PKNOX1: variants seen among roughly 807,000 people sequenced by gnomAD.
PKNOX1 encodes the protein PBX/knotted 1 homeobox 1, also known as homeobox protein PKNOX1.
A neutral mutation model predicts 51.9 loss-of-function variants in PKNOX1; 15 were observed. The ratio of observed to expected loss-of-function variants is 0.29; its 90% CI spans 0.19 to 0.45. The LOEUF (loss-of-function observed/expected upper bound fraction) is 0.45, where lower values mean the gene tolerates loss of function less well. PKNOX1 is among the 20% of genes least tolerant of loss of function. The pLI is 1.00. For missense variants in PKNOX1, 462 were observed against 547.5 expected (o/e 0.84, Z 1.56); for synonymous variants, 219 against 211.1 (o/e 1.04, Z -0.32).
intron 5 of PKNOX1, among the ~76,000 whole-genome samples, chr21:43,013,715 G>T (rs1241108450): frequency 6.6e-6 from 1 of 151,894 alleles, no homozygotes; most frequent in Non-Finnish European, 1.5e-5. Context: ...CCCTCCCCTA[G>T]CCCCTGGAAC....
intron 8 of PKNOX1, 26 bp from the exon 9 acceptor site, chr21:43,024,845 T>C (rs748355411): frequency 2.0e-5 from 29 of 1,481,912 alleles, no homozygotes; most frequent in East Asian, 9.0e-5. Flanking sequence ...TCGAAGGCCA[T>C]GGTAACCTTC....
At chr21:42,990,724 G>T (rs1480084550) in intron 1 of PKNOX1, among the ~76,000 whole-genome samples, 1 of 152,212 alleles carries the variant, frequency 6.6e-6, no homozygotes, top group Non-Finnish European at 1.5e-5. Flanking sequence ...ATAAGGAAAT[G>T]ACCCAAGGAA....
At chr21:42,996,105 C>T (rs989317191) in intron 1 of PKNOX1, among the ~76,000 whole-genome samples, 5 of 151,974 alleles carry the variant, frequency 3.3e-5, no homozygotes, top group East Asian at 1.9e-4. Context: ...GTCCTAGCTC[C>T]GTGGGAGGCT....
At chr21:42,978,664 A>G (rs150915577) in intron 1 of PKNOX1, among the ~76,000 whole-genome samples, 40 of 151,796 alleles carry the variant, frequency 2.6e-4, no homozygotes, top group Admixed American at 1.1e-3. Context: ...TTGTATTTTT[A>G]GTAGAGACAG....
chr21:42,983,711 C>T (rs1045759661), intron 1 of PKNOX1, among the ~76,000 whole-genome samples: 3 of 152,118 alleles, frequency 2.0e-5, no homozygotes, highest in African/African-American at 7.2e-5. Flanking sequence ...AACCTCCATC[C>T]GATTTTTCGC....
intron 1 of PKNOX1, among the ~76,000 whole-genome samples, chr21:42,996,412 C>T (rs1978507460): frequency 6.6e-6 from 1 of 150,708 alleles, no homozygotes; most frequent in Non-Finnish European, 1.5e-5. Context: ...AGCATCACTC[C>T]TCTGGACCAT....
At position 42,987,402 on chromosome 21, in the gene PKNOX1, AAAATATATATATAT is replaced by A. The variant is rs1292662746; in HGVS notation, c.-57+12740_-57+12753del. ...CCTCTCAAAAAAAAAAAAAAAAAAA[AAAATATATATATAT>A]ATATATATATATGTATACTCAGATT... On this transcript the variant is annotated intron_variant, in intron 1 of 10. Coordinates refer to ENST00000291547, the MANE Select transcript of PKNOX1 (RefSeq NM_004571.5). 2.1e-4 allele frequency among the ~76,000 whole-genome samples: 13 copies of A among 62,590 alleles called. No individual in the cohort carries two copies. In the East Asian group the frequency reaches 2.9e-3, roughly 14 times the overall value. The allele number at this position is 62,590 out of a possible 152,430, so 41.1% of individuals were successfully genotyped here.
At position 43,021,473 on chromosome 21, in the gene PKNOX1, G is replaced by GAC; in HGVS notation, c.849+43_849+44dup. 6.4e-7 allele frequency: 1 copy of GAC among 1,553,082 alleles called. No individual in the cohort carries two copies. Among genetic ancestry groups the GAC allele is most frequent in the Non-Finnish European group, 8.7e-7 (1 of 1,146,866 alleles). Reference sequence around the variant, plus strand: ...CAGCCCTTGCCTTGCAGCCCTCTGCGACGCTTGCTCTCTGGCTTATGTGTC... The same window carrying GAC: ...CAGCCCTTGCCTTGCAGCCCTCTGCGACACGCTTGCTCTCTGGCTTATGTGTC... On this transcript the variant is annotated intron_variant, in intron 8 of 10. Coordinates refer to ENST00000291547, the MANE Select transcript of PKNOX1 (RefSeq NM_004571.5). The surrounding 1 kb of genome is among the most constrained non-coding windows in gnomAD (Gnocchi z 4.6).
chr21:42,992,931 G>A (rs1025072843), intron 1 of PKNOX1, among the ~76,000 whole-genome samples: 2 of 146,264 alleles, frequency 1.4e-5, no homozygotes, highest in Admixed American at 7.0e-5. Flanking sequence ...TCAGCACTGG[G>A]GGTCTCCTTT....
At chr21:43,028,901 A>G (rs1360917138) in intron 10 of PKNOX1, 27 bp downstream of exon 10, 22 of 1,607,946 alleles carry the variant, frequency 1.4e-5, no homozygotes, top group South Asian at 2.2e-5. Flanking sequence ...AAGGCCAGAC[A>G]TGGTGGACCA....
At position 43,018,234 on chromosome 21, in the gene PKNOX1, C is replaced by T. The variant is rs543366703; in HGVS notation, c.720+4C>T. The T allele has an allele frequency of 2.7e-5, 44 of 1,604,680 alleles. No homozygotes were observed. Among genetic ancestry groups the T allele is most frequent in the East Asian group, 2.0e-4 (9 of 44,830 alleles). On this transcript the variant is annotated splice_donor_region_variant and intron_variant, in intron 7 of 10. Transcript: ENST00000291547. ...AATTAGGATCCAGAACTCCCAGGTG[C>T]GTGCGCCATTTTATGGAAGGCTTTG... is the stretch of plus-strand genomic sequence containing the variant.
chr21:43,019,667 C>T (rs1979667846), intron 7 of PKNOX1, among the ~76,000 whole-genome samples: 2 of 151,622 alleles, frequency 1.3e-5, no homozygotes, highest in African/African-American at 4.8e-5. Flanking sequence ...CTCAGCCTCC[C>T]GAGTAGCTGG....
intron 3 of PKNOX1, among the ~76,000 whole-genome samples, chr21:43,008,893 G>A (rs1235005761): frequency 6.6e-6 from 1 of 152,142 alleles, no homozygotes; most frequent in African/African-American, 2.4e-5. Context: ...ACAAAAACGT[G>A]TACATGAATT....
At chr21:42,985,630 C>T (rs1028088400) in intron 1 of PKNOX1, among the ~76,000 whole-genome samples, 4 of 152,188 alleles carry the variant, frequency 2.6e-5, no homozygotes, top group South Asian at 2.1e-4. Flanking sequence ...CCACCACGTC[C>T]GGCCAGGGTC....
chr21:43,016,143 A>G lies in PKNOX1; in HGVS notation c.523-765A>G, dbSNP rs550886471. Among the ~76,000 whole-genome samples the G allele has an allele frequency of 2.6e-5, 4 of 152,296 alleles. No homozygotes were observed. The East Asian group carries it at 7.7e-4, about 29-fold the overall frequency. The stretch of plus-strand genomic sequence containing the variant: ...CCTTGGGGTGGCGTCCCCTTATGCT[A>G]TGTAACTGCTCACATGTCAGGGCAC... On this transcript the variant is annotated intron_variant, in intron 5 of 10. Coordinates refer to ENST00000291547, the MANE Select transcript of PKNOX1 (RefSeq NM_004571.5).
intron 2 of PKNOX1, among the ~76,000 whole-genome samples, chr21:43,007,213 G>T (rs550329714): frequency 1.3e-5 from 2 of 152,222 alleles, no homozygotes; most frequent in African/African-American, 4.8e-5. Flanking sequence ...TAGATTGCAC[G>T]TGTGCCGTTC....
At chr21:42,993,650 GTTTTT>G (rs756844153) in intron 1 of PKNOX1, among the ~76,000 whole-genome samples, 1 of 20,000 alleles carries the variant, frequency 5.0e-5, no homozygotes, top group East Asian at 1.3e-3. Flanking sequence ...TACCCACTTT[GTTTTT>G]TTTGTTTTTT....
At chr21:42,983,359 A>G (rs2059036533) in intron 1 of PKNOX1, among the ~76,000 whole-genome samples, 1 of 152,066 alleles carries the variant, frequency 6.6e-6, no homozygotes. Flanking sequence ...TTTCGCTACT[A>G]TAGGGACTTC....
chr21:43,019,583 C>A (rs1401218167), intron 7 of PKNOX1, among the ~76,000 whole-genome samples: 3 of 151,938 alleles, frequency 2.0e-5, no homozygotes, highest in Non-Finnish European at 4.4e-5. Flanking sequence ...CACTCTGTTG[C>A]CCAGGCTGGA....
Sources: gnomAD v4.1 joint callset for allele counts (sites outside exome capture counted in the v4.1 genomes callset) on GRCh38, gnomAD v4.1.1 for gene constraint, Gnocchi (gnomAD v3.1) non-coding constraint, MANE v1.5 for transcripts, NCBI Gene and HGNC (gene_info 2026-07-23, HGNC 2026-07-21) for gene names.